CLYBL: variants seen among roughly 807,000 people sequenced by gnomAD.
CLYBL encodes the protein citramalyl-CoA lyase, mitochondrial.
In CLYBL, 31 loss-of-function variants were observed where a neutral mutation model predicts 38.9. That is an observed-to-expected ratio of 0.80 (90% CI 0.60 to 1.08). The LOEUF (loss-of-function observed/expected upper bound fraction) is 1.08, where lower values mean the gene tolerates loss of function less well. Ranked by LOEUF, CLYBL falls within the 50% of genes least tolerant of loss-of-function variation. The pLI is 0.00. For synonymous variants in CLYBL, 171 were observed against 158.6 expected (o/e 1.08, Z -0.59); for missense variants, 434 against 411.6 (o/e 1.05, Z -0.47).
At chr13:99,621,396 C>T (rs1015507110) in intron 1 of CLYBL, among the ~76,000 whole-genome samples, 3 of 152,166 alleles carry the variant, frequency 2.0e-5, no homozygotes, top group Non-Finnish European at 2.9e-5. Context: ...CCTTCTTTCC[C>T]TGGACACCTC....
chr13:99,704,367 G>A (rs1157683028), intron 1 of CLYBL, among the ~76,000 whole-genome samples: 1 of 152,166 alleles, frequency 6.6e-6, no homozygotes, highest in Non-Finnish European at 1.5e-5. Context: ...GAAGTCCAGT[G>A]ACCCAGTTAT....
rs1050836374 is a variant in CLYBL, at chr13:99,721,889, G to C, written c.63-50935G>C. 3.3e-5 allele frequency among the ~76,000 whole-genome samples: 5 copies of C among 152,226 alleles called. No individual in the cohort carries two copies. The South Asian group carries it at 1.0e-3, about 32-fold the overall frequency. On this transcript the variant is annotated intron_variant, in intron 1 of 8. Coordinates refer to ENST00000339105, the MANE Select transcript of CLYBL (RefSeq NM_206808.5). ...TGCCTCTGGGAGTCCAGGGGCCCTG[G>C]ATTGTGGAGATGTTTCTGGAGCACT...
At chr13:99,797,558 G>A (rs188381522) in intron 2 of CLYBL, among the ~76,000 whole-genome samples, 5 of 134,226 alleles carry the variant, frequency 3.7e-5, no homozygotes, top group Non-Finnish European at 6.4e-5. Context: ...CATGTTAGCT[G>A]TTTGTGTGTG....
At chr13:99,845,651 C>T (rs1194186418) in intron 2 of CLYBL, among the ~76,000 whole-genome samples, 1 of 152,080 alleles carries the variant, frequency 6.6e-6, no homozygotes, top group Non-Finnish European at 1.5e-5. Context: ...GGTGACATGA[C>T]GCAGGCTCTG....
chr13:99,739,700 A>G (rs1355875398), intron 1 of CLYBL, among the ~76,000 whole-genome samples: 1 of 152,206 alleles, frequency 6.6e-6, no homozygotes, highest in African/African-American at 2.4e-5. Context: ...GTGGCCGGGC[A>G]TGGTGGCTCA....
At chr13:99,818,031 A>T (rs1742688406) in intron 2 of CLYBL, among the ~76,000 whole-genome samples, 1 of 150,228 alleles carries the variant, frequency 6.7e-6, no homozygotes, top group Non-Finnish European at 1.5e-5. Context: ...GAAGGAAGGA[A>T]GGAAGGGAGG....
intron 2 of CLYBL, among the ~76,000 whole-genome samples, chr13:99,837,687 T>G (rs1683970943): frequency 6.6e-6 from 1 of 152,194 alleles, no homozygotes. Flanking sequence ...AGGCAGGTCT[T>G]TCTTCTCTGT....
chr13:99,769,363 A>C (rs1330716519), intron 1 of CLYBL, among the ~76,000 whole-genome samples: 1 of 152,150 alleles, frequency 6.6e-6, no homozygotes, highest in Middle Eastern at 3.2e-3. Context: ...TTGCTAATGC[A>C]GTTGTCTGGG....
Position 99,855,378 on chromosome 13 carries a change from C to T in CLYBL, c.250-3483C>T, listed in dbSNP as rs193075728. Among the ~76,000 whole-genome samples, 134 of 152,256 alleles carry T rather than the reference C, an allele frequency of 8.8e-4. 1 individual carries two copies. Among genetic ancestry groups the T allele is most frequent in the African/African-American group, 2.5e-3 (103 of 41,546 alleles). On this transcript the variant is annotated intron_variant, in intron 2 of 8. Transcript: ENST00000339105. ...CAGGAAGCACTTACCTCCCAATAGT[C>T]GTAGCAGGTCACCCTGAGAGCCCTT...
intron 1 of CLYBL, among the ~76,000 whole-genome samples, chr13:99,674,993 C>T (rs997542845): frequency 2.6e-5 from 4 of 152,178 alleles, no homozygotes; most frequent in African/African-American, 9.7e-5. Context: ...ATGATCGCTC[C>T]TGTGAATAGC....
chr13:99,793,816 TA>T (rs1255502574), intron 2 of CLYBL, among the ~76,000 whole-genome samples: 2 of 151,316 alleles, frequency 1.3e-5, no homozygotes, highest in African/African-American at 4.9e-5. Context: ...TATAATGTGA[TA>T]TATCTGGCTA....
At chr13:99,850,736 GCAGCATTATT>G (rs2051311446) in intron 2 of CLYBL, among the ~76,000 whole-genome samples, 1 of 152,186 alleles carries the variant, frequency 6.6e-6, no homozygotes, top group African/African-American at 2.4e-5. Flanking sequence ...AATGTTCATA[GCAGCATTATT>G]CACAATAACC....
At chr13:99,692,049 A>G (rs572725807) in intron 1 of CLYBL, among the ~76,000 whole-genome samples, 16 of 152,282 alleles carry the variant, frequency 1.1e-4, no homozygotes, top group African/African-American at 3.6e-4. Flanking sequence ...GCCAGGATGG[A>G]TATGATAGCC....
chr13:99,799,800 T>C (rs1038275710), intron 2 of CLYBL, among the ~76,000 whole-genome samples: 2 of 152,190 alleles, frequency 1.3e-5, no homozygotes, highest in African/African-American at 4.8e-5. Context: ...TGGATATCAA[T>C]CATGTCAACA....
intron 2 of CLYBL, among the ~76,000 whole-genome samples, chr13:99,833,647 GCACCAAATGTGA>G (rs2050868779): frequency 7.0e-6 from 1 of 141,974 alleles, no homozygotes; most frequent in Non-Finnish European, 1.5e-5. Context: ...GAGCCCCTGA[GCACCAAATGTGA>G]CAGGAAGCGG....
intron 1 of CLYBL, among the ~76,000 whole-genome samples, chr13:99,720,484 T>G (rs2048377450): frequency 6.6e-6 from 1 of 152,226 alleles, no homozygotes; most frequent in Admixed American, 6.5e-5. Flanking sequence ...CTCCTTTGGA[T>G]CCCACTCTTT....
chr13:99,785,191 C>CTTTTTTT (rs58550861), intron 2 of CLYBL, among the ~76,000 whole-genome samples: 4 of 34,206 alleles, frequency 1.2e-4, no homozygotes, highest in South Asian at 1.6e-3. Context: ...CCCCGCCTGG[C>CTTTTTTT]TTTTTTTTTT....
chr13:99,766,373 T>A (rs750378291), intron 1 of CLYBL, among the ~76,000 whole-genome samples: 5 of 152,190 alleles, frequency 3.3e-5, no homozygotes, highest in Admixed American at 6.5e-5. Context: ...TGATTTCTTT[T>A]TATTATTTCA....
At chr13:99,751,096 T>A (rs1228952715) in intron 1 of CLYBL, among the ~76,000 whole-genome samples, 1 of 152,204 alleles carries the variant, frequency 6.6e-6, no homozygotes, top group East Asian at 1.9e-4. Context: ...GGTGGCAGCA[T>A]CCCCAGTGTC....
Sources: gnomAD v4.1 joint callset for allele counts (sites outside exome capture counted in the v4.1 genomes callset) on GRCh38, gnomAD v4.1.1 for gene constraint, MANE v1.5 for transcripts, NCBI Gene and HGNC (gene_info 2026-07-23, HGNC 2026-07-21) for gene names.